ASTN2: variants seen among roughly 807,000 people sequenced by gnomAD.
ASTN2 encodes the protein astrotactin 2.
In ASTN2, 54 loss-of-function variants were observed where a neutral mutation model predicts 139.8. The observed-to-expected ratio is 0.39, with a 90% CI of 0.31 to 0.48. The LOEUF (loss-of-function observed/expected upper bound fraction) is 0.48. Among genes scored for constraint, ASTN2 ranks in the 20% least tolerant of loss-of-function variants. The pLI is 0.95. For synonymous variants in ASTN2, 756 were observed against 719.5 expected (o/e 1.05, Z -0.81); for missense variants, 1,565 against 1,725.1 (o/e 0.91, Z 1.64).
intron 19 of ASTN2, among the ~76,000 whole-genome samples, chr9:116,536,300 A>C (rs966383212): frequency 3.3e-5 from 5 of 151,772 alleles, no homozygotes; most frequent in African/African-American, 1.2e-4. Context: ...GATGGGTTCA[A>C]ACTTCCTCCT....
At chr9:116,831,058 T>C (rs558728825) in intron 11 of ASTN2, among the ~76,000 whole-genome samples, 141 of 150,808 alleles carry the variant, frequency 9.3e-4, no homozygotes, top group Non-Finnish European at 1.6e-3. Context: ...TGGATAGAAC[T>C]GGAGGCCTTT....
chr9:117,326,559 G>A (rs1444070717), intron 1 of ASTN2, among the ~76,000 whole-genome samples: 3 of 152,154 alleles, frequency 2.0e-5, no homozygotes, highest in Non-Finnish European at 4.4e-5. Context: ...GGAGAAGGGA[G>A]AAGAATGTAC....
chr9:116,738,047 C>T (rs551580808), intron 13 of ASTN2, among the ~76,000 whole-genome samples: 1 of 151,532 alleles, frequency 6.6e-6, no homozygotes, highest in South Asian at 2.1e-4. Flanking sequence ...AAAAAATTAG[C>T]CGGGCGTGGT....
chr9:117,000,591 A>G (rs1372920276), intron 7 of ASTN2, among the ~76,000 whole-genome samples: 2 of 152,200 alleles, frequency 1.3e-5, no homozygotes, highest in Non-Finnish European at 2.9e-5. Flanking sequence ...GTTGCATTTT[A>G]CTGGACCAGA....
At chr9:117,082,019 G>T (rs1296422772) in intron 5 of ASTN2, among the ~76,000 whole-genome samples, 1 of 152,156 alleles carries the variant, frequency 6.6e-6, no homozygotes, top group African/African-American at 2.4e-5. Context: ...ACAAAACTGG[G>T]AGTTAATAAA....
rs552576091 is a variant in ASTN2 at position 116,973,743 on chromosome 9, G to A, written c.1889+1465C>T. The stretch of plus-strand genomic sequence containing the variant: ...CAATTCTATCAAAAATGAAAACAAT[G>A]GTAAATATCGATGAATCAGTATGTG... On this transcript the variant is annotated intron_variant, in intron 10 of 22. Coordinates refer to ENST00000313400, the MANE Select transcript of ASTN2 (RefSeq NM_001365068.1). Among the ~76,000 whole-genome samples the A allele has an allele frequency of 3.9e-5, 6 of 152,206 alleles. No individual in the cohort carries two copies. The East Asian group carries it at 1.2e-3, about 29-fold the overall frequency.
At chr9:116,567,168 G>A (rs1043640973) in intron 19 of ASTN2, among the ~76,000 whole-genome samples, 11 of 152,222 alleles carry the variant, frequency 7.2e-5, no homozygotes, top group Admixed American at 4.6e-4. Context: ...GAAAAGTGCC[G>A]ATTCATAGCA....
At chr9:117,155,850 G>T (rs1830421291) in intron 3 of ASTN2, among the ~76,000 whole-genome samples, 2 of 151,974 alleles carry the variant, frequency 1.3e-5, no homozygotes, top group African/African-American at 4.8e-5. Context: ...AATTATCTGG[G>T]CATCAGAGAG....
chr9:117,254,897 G>T (rs1833642542), intron 2 of ASTN2, among the ~76,000 whole-genome samples: 1 of 152,062 alleles, frequency 6.6e-6, no homozygotes, highest in Non-Finnish European at 1.5e-5. Flanking sequence ...TTCTTAAAAA[G>T]GCTTGCTGTG....
In ASTN2 at chr9:117,414,477, G is replaced by A. The variant is rs1365374873; in HGVS notation, c.442+20C>T. 1.9e-6 allele frequency: 3 copies of A among 1,606,342 alleles called. No homozygotes were observed. Among genetic ancestry groups the A allele is most frequent in the South Asian group, 2.2e-5 (2 of 90,866 alleles). Reference sequence around the variant, plus strand: ...CTCGGGGTTCCTTGGGATCTAGCGCGTGCCGGCGCCCAGCCTTACCCAGGG... The same window carrying A: ...CTCGGGGTTCCTTGGGATCTAGCGCATGCCGGCGCCCAGCCTTACCCAGGG... On this transcript the variant is annotated intron_variant, in intron 1 of 22. Transcript: ENST00000313400. This position sits in a 1 kb window ranked among gnomAD's most constrained non-coding sequence, Gnocchi z 4.2.
intron 20 of ASTN2, among the ~76,000 whole-genome samples, chr9:116,476,000 A>T (rs1433107040): frequency 6.6e-6 from 1 of 152,190 alleles, no homozygotes; most frequent in Non-Finnish European, 1.5e-5. Flanking sequence ...GCTACCATTA[A>T]AAGGGCACCA....
At chr9:117,288,727 G>T (rs1348537293) in intron 2 of ASTN2, among the ~76,000 whole-genome samples, 1 of 152,190 alleles carries the variant, frequency 6.6e-6, no homozygotes, top group African/African-American at 2.4e-5. Flanking sequence ...AATGACAAGG[G>T]TAGAGTCTGA....
At chr9:116,963,531 G>T (rs952328932) in intron 10 of ASTN2, among the ~76,000 whole-genome samples, 1 of 152,194 alleles carries the variant, frequency 6.6e-6, no homozygotes, top group Non-Finnish European at 1.5e-5. Flanking sequence ...TGGTACAGCG[G>T]TTGGATTGGG....
At chr9:116,942,013 C>T (rs1427678703) in intron 10 of ASTN2, among the ~76,000 whole-genome samples, 2 of 146,878 alleles carry the variant, frequency 1.4e-5, no homozygotes, top group Admixed American at 1.4e-4. Flanking sequence ...AAAGTCCCTT[C>T]AAGCTCTAAA....
intron 4 of ASTN2, among the ~76,000 whole-genome samples, chr9:117,132,113 A>G (rs1259366831): frequency 6.6e-6 from 1 of 152,144 alleles, no homozygotes; most frequent in Non-Finnish European, 1.5e-5. Flanking sequence ...ATACAAGCAG[A>G]TTGGATCAGA....
At chr9:116,544,559 C>T (rs902996809) in intron 19 of ASTN2, among the ~76,000 whole-genome samples, 3 of 152,138 alleles carry the variant, frequency 2.0e-5, no homozygotes, top group African/African-American at 7.2e-5. Context: ...GTAGATGTCA[C>T]GTGCTTTTGA....
chr9:116,780,964 C>A (rs2132204415), intron 13 of ASTN2, among the ~76,000 whole-genome samples: 1 of 152,078 alleles, frequency 6.6e-6, no homozygotes, highest in Admixed American at 6.5e-5. Flanking sequence ...CTCAGCCTCC[C>A]AAGTAGCTGG....
intron 4 of ASTN2, among the ~76,000 whole-genome samples, chr9:117,129,241 T>C (rs756966344): frequency 1.3e-5 from 2 of 152,198 alleles, no homozygotes; most frequent in Non-Finnish European, 2.9e-5. Flanking sequence ...AATGTTCTCC[T>C]TAACCACAAC....
intron 6 of ASTN2, among the ~76,000 whole-genome samples, chr9:117,023,805 T>G (rs377332425): frequency 1.3e-5 from 2 of 152,184 alleles, no homozygotes; most frequent in African/African-American, 4.8e-5. Flanking sequence ...TAATATTATA[T>G]GGATTTGCAT....
Sources: allele counts gnomAD v4.1 joint callset (sites outside exome capture counted in the v4.1 genomes callset), GRCh38; gene constraint gnomAD v4.1.1; non-coding constraint Gnocchi (gnomAD v3.1); transcripts MANE v1.5; gene names NCBI Gene and HGNC (gene_info 2026-07-23, HGNC 2026-07-21).